The following MORC1 variants were observed in gnomAD, a reference collection of about 807,000 sequenced individuals.
The protein encoded by MORC1 is MORC family CW-type zinc finger 1.
Under a neutral mutation model 134.9 loss-of-function variants are expected in MORC1, and 59 were observed. The ratio of observed to expected loss-of-function variants is 0.44; its 90% CI spans 0.35 to 0.54. The LOEUF (loss-of-function observed/expected upper bound fraction) is 0.54. MORC1 is among the 20% of genes least tolerant of loss of function. The pLI, the probability that MORC1 is intolerant of heterozygous loss-of-function variation, is 0.00. For missense variants in MORC1, 947 were observed against 1,134.5 expected (o/e 0.83, Z 2.37); for synonymous variants, 395 against 391.7 (o/e 1.01, Z -0.10).
chr3:108,998,232 T>G (rs1948293094), intron 21 of MORC1, among the ~76,000 whole-genome samples: 1 of 152,202 alleles, frequency 6.6e-6, no homozygotes, highest in South Asian at 2.1e-4. Context: ...TGCCTTCCAG[T>G]TGAACTGAAG....
chr3:109,073,153 TTC>T (rs1211761152), intron 8 of MORC1, among the ~76,000 whole-genome samples: 1 of 152,184 alleles, frequency 6.6e-6, no homozygotes, highest in East Asian at 1.9e-4. Flanking sequence ...TGGCTGTGCT[TTC>T]TGTGTGGCCT....
At chr3:109,060,792 C>T (rs1173715079) in intron 11 of MORC1, among the ~76,000 whole-genome samples, 1 of 152,058 alleles carries the variant, frequency 6.6e-6, no homozygotes, top group African/African-American at 2.4e-5. Context: ...GCAGTGCCCC[C>T]AGAGCACAGA....
intron 16 of MORC1, 144 bp downstream of exon 16, chr3:109,032,576 G>C (rs1949265272): frequency 1.7e-6 from 1 of 603,076 alleles, no homozygotes. Flanking sequence ...TCTTTGCACA[G>C]GTAGCAGGGC....
At chr3:109,103,950 T>A in intron 3 of MORC1, 33 bp from the exon 4 acceptor site, 1 of 1,574,366 alleles carries the variant, frequency 6.4e-7, no homozygotes, top group Non-Finnish European at 8.7e-7. Context: ...CTAATAAATA[T>A]CGGGCTTAAT....
chr3:108,982,088 T>C (rs1013990446), intron 23 of MORC1, among the ~76,000 whole-genome samples: 4 of 152,062 alleles, frequency 2.6e-5, no homozygotes, highest in Admixed American at 2.6e-4. Flanking sequence ...AAAAAGTGGG[T>C]GAAGGATATG....
intron 8 of MORC1, among the ~76,000 whole-genome samples, chr3:109,089,187 C>T (rs1950671480): frequency 6.6e-6 from 1 of 152,068 alleles, no homozygotes; most frequent in Non-Finnish European, 1.5e-5. Context: ...CATAACAAAC[C>T]TACATGTGTA....
At chr3:109,110,889 C>A in intron 2 of MORC1, 106 bp from the exon 3 acceptor site, 2 of 764,732 alleles carry the variant, frequency 2.6e-6, no homozygotes, top group Non-Finnish European at 4.1e-6. Flanking sequence ...ACTTAAATTG[C>A]TTCAAAATCA....
chr3:109,068,268 T>A (rs975740066), intron 9 of MORC1, among the ~76,000 whole-genome samples: 14 of 152,204 alleles, frequency 9.2e-5, no homozygotes, highest in Admixed American at 8.5e-4. Flanking sequence ...CATGAGGAAG[T>A]TCTTTAGTGG....
intron 26 of MORC1, among the ~76,000 whole-genome samples, chr3:108,968,674 A>C (rs1048753174): frequency 6.6e-5 from 10 of 152,210 alleles, no homozygotes; most frequent in African/African-American, 1.9e-4. Context: ...TCACCTCTCA[A>C]TCTTTACAGA....
intron 20 of MORC1, 86 bp downstream of exon 20, chr3:109,004,731 A>C: frequency 7.8e-7 from 1 of 1,282,932 alleles, no homozygotes. Flanking sequence ...TTTCCTATAA[A>C]GCATTGAATG....
At chr3:109,031,279 C>A (rs1423937447) in intron 16 of MORC1, among the ~76,000 whole-genome samples, 1 of 152,110 alleles carries the variant, frequency 6.6e-6, no homozygotes, top group Non-Finnish European at 1.5e-5. Context: ...ATTGTCCTAA[C>A]TATGGGGCTT....
At chr3:109,035,313 G>C (rs1160158265) in intron 15 of MORC1, 27 bp downstream of exon 15, 2 of 1,561,258 alleles carry the variant, frequency 1.3e-6, no homozygotes, top group Admixed American at 1.9e-5. Context: ...TTAACATTTG[G>C]TAATTATAAT....
Position 109,062,007 on chromosome 3 carries a change from G to A in MORC1, c.947C>T (p.Thr316Ile). ...AQIKVNQCDR[T>I]SLSSAKDVLQ... ...TCGTACCTTGGCAGAAGATAAAGAG[G>A]TTCTGTCACACTGGTTTACTTTGAT... is the stretch of plus-strand genomic sequence containing the variant. Residue 316 changes from threonine (T) to isoleucine (I), a missense_variant, in exon 11 of 28, where the codon ACC becomes ATC. Coordinates refer to ENST00000232603, the MANE Select transcript of MORC1 (RefSeq NM_014429.4). 1 of 1,613,968 alleles carries A rather than the reference G, an allele frequency of 6.2e-7. No homozygotes were observed. The highest frequency in any genetic ancestry group is 8.5e-7 in the Non-Finnish European group (1 of 1,179,918).
chr3:109,110,893 A>T, intron 2 of MORC1, 110 bp from the exon 3 acceptor site: 2 of 733,342 alleles, frequency 2.7e-6, no homozygotes, highest in Non-Finnish European at 4.3e-6. Context: ...AAATTGCTTC[A>T]AAATCAATTT....
At chr3:109,050,251 A>G (rs1240145468) in intron 14 of MORC1, among the ~76,000 whole-genome samples, 1 of 152,188 alleles carries the variant, frequency 6.6e-6, no homozygotes, top group Non-Finnish European at 1.5e-5. Flanking sequence ...GTCTTAGTCC[A>G]TTCAGTTGCT....
intron 4 of MORC1, among the ~76,000 whole-genome samples, chr3:109,102,112 C>A (rs763697834): frequency 6.6e-6 from 1 of 152,048 alleles, no homozygotes; most frequent in Non-Finnish European, 1.5e-5. Context: ...GAAAACAAAA[C>A]CAGGGTAATG....
At chr3:109,092,723 T>C (rs913119018) in intron 8 of MORC1, among the ~76,000 whole-genome samples, 1 of 152,226 alleles carries the variant, frequency 6.6e-6, no homozygotes, top group African/African-American at 2.4e-5. Flanking sequence ...TAAGATTAAA[T>C]ATGTCCCTCG....
intron 17 of MORC1, 40 bp downstream of exon 17, chr3:109,027,711 G>A (rs947775472): frequency 1.9e-6 from 3 of 1,612,308 alleles, no homozygotes; most frequent in Non-Finnish European, 2.5e-6. Flanking sequence ...AACAGTTAAA[G>A]AGTCACAGTA....
chr3:109,027,777 T>G lies in MORC1; in HGVS notation c.1678A>C (p.Asn560His), dbSNP rs1266342469. Reference sequence around the variant, plus strand: ...TGTGGCTGCTGTTCTGCCAGTCTATTTTGATACTTTATGACCGACTCTCTA... The same window carrying G: ...TGTGGCTGCTGTTCTGCCAGTCTATGTTGATACTTTATGACCGACTCTCTA... ...QLRESVIKYQNRLAEQQPQPQ... is the reference protein window; with the variant it reads ...QLRESVIKYQHRLAEQQPQPQ... Residue 560 changes from asparagine (N) to histidine (H), a missense_variant, in exon 17 of 28, where the codon AAT (asparagine) becomes CAT (histidine). Asn to His is a moderately conservative substitution (Grantham distance 68, BLOSUM62 1). Transcript: ENST00000232603. The G allele has an allele frequency of 6.2e-7, 1 of 1,613,940 alleles. No individual in the cohort carries two copies. Among genetic ancestry groups the G allele is most frequent in the South Asian group, 1.1e-5 (1 of 91,080 alleles).
Sources: gnomAD v4.1 joint callset for allele counts (sites outside exome capture counted in the v4.1 genomes callset) on GRCh38, gnomAD v4.1.1 for gene constraint, MANE v1.5 for transcripts, NCBI Gene and HGNC (gene_info 2026-07-23, HGNC 2026-07-21) for gene names.